The following ECE1 variants were observed in gnomAD, a reference collection of about 807,000 sequenced individuals.
The protein encoded by ECE1 is endothelin converting enzyme 1.
A neutral mutation model predicts 98.6 loss-of-function variants in ECE1; 35 were observed. The ratio of observed to expected loss-of-function variants is 0.35; its 90% CI spans 0.27 to 0.47. ECE1 has a LOEUF of 0.47. ECE1 is among the 20% of genes least tolerant of loss of function. The probability of loss-of-function intolerance (pLI) is 1.00; values close to 1 mark genes in which losing one functional copy is unlikely to be tolerated. For synonymous variants in ECE1, 394 were observed against 407.1 expected, an observed-to-expected ratio of 0.97 and a Z score of 0.39; for missense variants, 814 against 1,025.3, an observed-to-expected ratio of 0.79 and a Z score of 2.81.
At chr1:21,238,998 A>AT (rs71569823) in intron 10 of ECE1, among the ~76,000 whole-genome samples, 7,066 of 143,070 alleles carry the variant, frequency 0.049, 195 homozygotes, top group African/African-American at 0.075. Flanking sequence ...CTATTTAAAA[A>AT]TTTTTTTTTT....
chr1:21,299,053 C>T (rs1054458839), intron 1 of ECE1: 2 of 358,022 alleles, frequency 5.6e-6, no homozygotes, highest in Non-Finnish European at 5.6e-6. Context: ...ACCAAGCGCT[C>T]TCTGACAATG....
At chr1:21,274,505 G>T (rs2098244197) in intron 3 of ECE1, among the ~76,000 whole-genome samples, 1 of 152,220 alleles carries the variant, frequency 6.6e-6, no homozygotes, top group Non-Finnish European at 1.5e-5. Flanking sequence ...CAATTTCACA[G>T]ATTTCACAGT....
intron 4 of ECE1, among the ~76,000 whole-genome samples, chr1:21,268,426 G>A (rs2098236576): frequency 6.6e-6 from 1 of 152,214 alleles, no homozygotes; most frequent in African/African-American, 2.4e-5. Context: ...ATCCCCAGCT[G>A]GCAGACTGCC....
intron 2 of ECE1, chr1:21,279,614 A>G (rs2098252051): frequency 9.8e-6 from 14 of 1,430,398 alleles, no homozygotes; most frequent in Non-Finnish European, 1.3e-5. Flanking sequence ...GGAAAAAACT[A>G]CAGCTTTTCC....
intron 1 of ECE1, among the ~76,000 whole-genome samples, chr1:21,342,381 G>A (rs1333204200): frequency 6.6e-6 from 1 of 152,056 alleles, no homozygotes; most frequent in East Asian, 1.9e-4. Flanking sequence ...CTGCAGGGTG[G>A]TTTGAGTACA....
chr1:21,268,332 C>T (rs1272135416), intron 4 of ECE1, among the ~76,000 whole-genome samples: 1 of 152,226 alleles, frequency 6.6e-6, no homozygotes, highest in Non-Finnish European at 1.5e-5. Flanking sequence ...TCCCCAAAAC[C>T]TACAAGGACA....
At chr1:21,257,635 G>A (rs41497052) in intron 6 of ECE1, 45 bp from the exon 7 acceptor site, 25,941 of 1,589,708 alleles carry the variant, frequency 0.016, 272 homozygotes, top group Non-Finnish European at 0.019. Context: ...GTTGCAATGC[G>A]TGTATCCACT....
chr1:21,271,927 A>G (rs1398434288), intron 4 of ECE1, among the ~76,000 whole-genome samples: 2 of 151,848 alleles, frequency 1.3e-5, no homozygotes, highest in South Asian at 4.2e-4. Flanking sequence ...TAGAACTTTC[A>G]TTGGATCACA....
intron 3 of ECE1, among the ~76,000 whole-genome samples, chr1:21,274,850 C>G (rs957549751): frequency 5.3e-5 from 8 of 151,968 alleles, no homozygotes; most frequent in African/African-American, 1.9e-4. Context: ...AATTATGGAG[C>G]CATTACACAT....
chr1:21,288,850 C>G (rs2098263382), intron 2 of ECE1, among the ~76,000 whole-genome samples: 1 of 152,140 alleles, frequency 6.6e-6, no homozygotes, highest in African/African-American at 2.4e-5. Flanking sequence ...CCTCTCAGAG[C>G]CTCAGTTTCC....
rs2098222351 is a variant in ECE1, at chr1:21,258,220, G to A, written c.762+473C>T. The stretch of plus-strand genomic sequence containing the variant: ...ACACAGTGACTGAATGGTAGAGATG[G>A]GCTGGGAACTCAGCTTTTAGGACCC... On this transcript the variant is annotated intron_variant, in intron 6 of 18. Coordinates refer to ENST00000374893, the MANE Select transcript of ECE1 (RefSeq NM_001397.3). This position sits in a 1 kb window ranked among gnomAD's most constrained non-coding sequence, Gnocchi z 4.2. 6.6e-6 allele frequency among the ~76,000 whole-genome samples: 1 copy of A among 152,198 alleles called. No individual in the cohort carries two copies. Among genetic ancestry groups the A allele is most frequent in the Non-Finnish European group, 1.5e-5 (1 of 68,044 alleles).
rs1638617207 is a variant in ECE1, at chr1:21,307,173, A to G, written c.4-17017T>C. 6.6e-6 allele frequency among the ~76,000 whole-genome samples: 1 copy of G among 152,100 alleles called. No homozygotes were observed. The highest frequency in any genetic ancestry group is 2.4e-5 in the African/African-American group (1 of 41,404). Reference sequence around the variant, plus strand: ...CTCCCTGCTTAGAACTCCTGTCCACATTACCCCAGCCCGGGCCCTGTAATG... The same window carrying G: ...CTCCCTGCTTAGAACTCCTGTCCACGTTACCCCAGCCCGGGCCCTGTAATG... On this transcript the variant is annotated intron_variant, in intron 1 of 18. Coordinates refer to the ECE1 transcript ENST00000415912. The surrounding 1 kb of genome is among the most constrained non-coding windows in gnomAD (Gnocchi z 4.2).
At chr1:21,289,839 G>C (rs2098264484) in intron 2 of ECE1, among the ~76,000 whole-genome samples, 1 of 152,090 alleles carries the variant, frequency 6.6e-6, no homozygotes, top group African/African-American at 2.4e-5. Context: ...GCAGGTGGCC[G>C]GGAGGCTCTA....
intron 6 of ECE1, among the ~76,000 whole-genome samples, 163 bp from the exon 7 acceptor site, chr1:21,257,753 G>A (rs1032673250): frequency 1.3e-5 from 2 of 152,050 alleles, no homozygotes; most frequent in Admixed American, 1.3e-4. Flanking sequence ...CCCACTCAGG[G>A]ACGGGATGAC....
At chr1:21,344,556 A>T (rs577423824) in intron 1 of ECE1, among the ~76,000 whole-genome samples, 4 of 152,082 alleles carry the variant, frequency 2.6e-5, no homozygotes, top group African/African-American at 9.7e-5. Flanking sequence ...GTCCAGGGAC[A>T]ATGCCCCTCC....
Position 21,236,667 on chromosome 1 carries a change from A to C in ECE1, c.1488+79T>G, listed in dbSNP as rs577614242. On this transcript the variant is annotated intron_variant, in intron 12 of 18. Coordinates refer to ENST00000374893, the MANE Select transcript of ECE1 (RefSeq NM_001397.3). ...TCTGCCTCAAAAAACAAACAAAAAA[A>C]CCGGCCTCTCCTTCCCCCACCCTCC... The C allele has an allele frequency of 1.5e-4, 210 of 1,369,212 alleles. 3 individuals carry two copies. In the South Asian group the frequency reaches 2.3e-3, roughly 15 times the overall value. The allele number at this position is 1,369,212 out of a possible 1,614,324, so 84.8% of individuals were successfully genotyped here.
chr1:21,342,312 T>G (rs543693564), intron 1 of ECE1, among the ~76,000 whole-genome samples: 15 of 152,318 alleles, frequency 9.8e-5, no homozygotes, highest in African/African-American at 3.4e-4. Context: ...GGTTTGTGCC[T>G]GTTCTGGTAC....
chr1:21,317,382 AGGG>A (rs760523034), intron 1 of ECE1, among the ~76,000 whole-genome samples: 1 of 152,110 alleles, frequency 6.6e-6, no homozygotes, highest in Non-Finnish European at 1.5e-5. Flanking sequence ...TGCTGTTGGG[AGGG>A]TCTCCCAAAA....
At position 21,340,295 on chromosome 1, in the gene ECE1, C is replaced by G. The variant is rs1639375860; in HGVS notation, c.3+5081G>C. Among the ~76,000 whole-genome samples the G allele has an allele frequency of 6.6e-6, 1 of 152,260 alleles. No homozygotes were observed. The highest frequency in any genetic ancestry group is 6.5e-5 in the Admixed American group (1 of 15,288). ...CAATACATTCAGGAGAAGGGGCTGTCTGGGACCTCTGTCTGGGGCCACAGC... is the reference window on the plus strand; with the variant it reads ...CAATACATTCAGGAGAAGGGGCTGTGTGGGACCTCTGTCTGGGGCCACAGC... On this transcript the variant is annotated intron_variant, in intron 1 of 18. Transcript: ENST00000415912. This position sits in a 1 kb window ranked among gnomAD's most constrained non-coding sequence, Gnocchi z 4.6.
Sources: gnomAD v4.1 joint callset for allele counts (sites outside exome capture counted in the v4.1 genomes callset) on GRCh38, gnomAD v4.1.1 for gene constraint, Gnocchi (gnomAD v3.1) non-coding constraint, MANE v1.5 for transcripts, NCBI Gene and HGNC (gene_info 2026-07-23, HGNC 2026-07-21) for gene names.